PSD2: variants seen among roughly 807,000 people sequenced by gnomAD.
PSD2 encodes pleckstrin and Sec7 domain containing 2.
PSD2 carries 38 observed loss-of-function variants against 69.8 expected under a neutral mutation model. That is an observed-to-expected ratio of 0.54 (90% CI 0.42 to 0.71). The LOEUF (loss-of-function observed/expected upper bound fraction) is 0.71, where lower values mean the gene tolerates loss of function less well. PSD2 is among the 30% of genes least tolerant of loss of function. The pLI is 0.00. For synonymous variants in PSD2, 412 were observed against 423.0 expected, an observed-to-expected ratio of 0.97 and a Z score of 0.32; for missense variants, 943 against 1,014.5, an observed-to-expected ratio of 0.93 and a Z score of 0.96.
the PSD2 span, among the ~76,000 whole-genome samples, chr5:139,787,659 C>A: frequency 6.6e-6 from 1 of 152,234 alleles, no homozygotes; most frequent in Non-Finnish European, 1.5e-5. Flanking sequence ...AAAGAGCCCC[C>A]GTCGCTGGCC....
Position 139,833,705 on chromosome 5 carries a change from A to G in PSD2, c.1273A>G (p.Ile425Val), listed in dbSNP as rs995121222. Residue 425 changes from isoleucine (I) to valine (V), a missense_variant, in exon 8 of 15, where the codon ATT (isoleucine) becomes GTT (valine). Around this residue, in one of 3 missense-constraint regions of PSD2, gnomAD observed 312 missense variants for 400.7 expected, o/e 0.78. Coordinates refer to ENST00000274710, the MANE Select transcript of PSD2 (RefSeq NM_032289.4). Reference protein sequence around the residue: ...LLNTDLHGHNIGKKMSCQQFI... With the variant: ...LLNTDLHGHNVGKKMSCQQFI... The stretch of plus-strand genomic sequence containing the variant: ...CAGAACCATTTCTCCATTACAGAAC[A>G]TTGGCAAAAAGATGTCCTGTCAGCA... 2.5e-6 allele frequency: 4 copies of G among 1,613,208 alleles called. No homozygotes were observed. The highest frequency in any genetic ancestry group is 8.5e-7 in the Non-Finnish European group (1 of 1,179,314).
chr5:139,778,750 C>G, the PSD2 span, among the ~76,000 whole-genome samples: 1 of 151,216 alleles, frequency 6.6e-6, no homozygotes, highest in Non-Finnish European at 1.5e-5. Flanking sequence ...TGACAGAAAC[C>G]CATCTCTCCA....
chr5:139,796,997 C>T (rs1249202162), intron 1 of PSD2, among the ~76,000 whole-genome samples: 1 of 151,494 alleles, frequency 6.6e-6, no homozygotes, highest in Non-Finnish European at 1.5e-5. Context: ...CTAGATCCTA[C>T]AAACAAGAGC....
chr5:139,842,752 C>T lies in PSD2; in HGVS notation c.*278C>T, dbSNP rs190205118. On this transcript the variant is annotated 3_prime_UTR_variant, in exon 15 of 15. Coordinates refer to ENST00000274710, the MANE Select transcript of PSD2 (RefSeq NM_032289.4). ...AGGCCAGTTGTGTGCATGCTCTAGA[C>T]ACCACCTCGCTGGAGAAGCTGGAAG... 2 of 390,780 alleles carry T rather than the reference C, an allele frequency of 5.1e-6. No homozygotes were observed. Among genetic ancestry groups the T allele is most frequent in the Admixed American group, 8.2e-5 (2 of 24,404 alleles). 24.2% of individuals were successfully genotyped at this position (390,780 alleles called of 1,614,324 possible).
At chr5:139,776,618 T>C in the PSD2 span, among the ~76,000 whole-genome samples, 4 of 151,718 alleles carry the variant, frequency 2.6e-5, no homozygotes, top group Admixed American at 6.6e-5. Flanking sequence ...TCACCAATGT[T>C]AGACATGGTC....
the PSD2 span, among the ~76,000 whole-genome samples, chr5:139,759,838 C>T: frequency 6.6e-6 from 1 of 152,260 alleles, no homozygotes; most frequent in Admixed American, 6.5e-5. Context: ...CCCTCTCTGG[C>T]CCCTCAAGCC....
the PSD2 span, among the ~76,000 whole-genome samples, chr5:139,769,627 C>T: frequency 6.6e-6 from 1 of 152,224 alleles, no homozygotes; most frequent in Admixed American, 6.5e-5. Flanking sequence ...AGCACTTGCC[C>T]AGCCCTTCAG....
chr5:139,776,828 G>T, the PSD2 span, among the ~76,000 whole-genome samples: 10 of 152,074 alleles, frequency 6.6e-5, no homozygotes, highest in African/African-American at 2.2e-4. Flanking sequence ...GCACCTCAAA[G>T]AACCACAGTC....
At chr5:139,779,175 T>G in the PSD2 span, among the ~76,000 whole-genome samples, 1 of 152,174 alleles carries the variant, frequency 6.6e-6, no homozygotes, top group African/African-American at 2.4e-5. Flanking sequence ...AAGTGGTGTT[T>G]GGTTACATGA....
chr5:139,791,047 A>C, upstream of PSD2, among the ~76,000 whole-genome samples: 1 of 151,910 alleles, frequency 6.6e-6, no homozygotes, highest in Non-Finnish European at 1.5e-5. Flanking sequence ...GTGAAACTTC[A>C]TCTCAAAAAA....
chr5:139,825,721 G>A (rs567701792), intron 7 of PSD2, among the ~76,000 whole-genome samples: 6 of 152,198 alleles, frequency 3.9e-5, no homozygotes, highest in African/African-American at 9.6e-5. Context: ...CTTGAGTCCC[G>A]ATTTTGACCT....
chr5:139,831,545 T>C (rs752091547), intron 7 of PSD2, among the ~76,000 whole-genome samples: 20 of 152,342 alleles, frequency 1.3e-4, no homozygotes, highest in Non-Finnish European at 2.8e-4. Context: ...TGTTGTGCAT[T>C]CTTTCGGAAT....
chr5:139,749,741 A>G, the PSD2 span, among the ~76,000 whole-genome samples: 8,749 of 152,204 alleles, frequency 0.057, 353 homozygotes, highest in South Asian at 0.1. Flanking sequence ...CATGCCTGTA[A>G]TCCTAACACT....
intron 1 of PSD2, among the ~76,000 whole-genome samples, chr5:139,803,687 C>T (rs1400493711): frequency 6.6e-6 from 1 of 152,182 alleles, no homozygotes; most frequent in South Asian, 2.1e-4. Context: ...CAGCACAAGG[C>T]GGTCCAAGCT....
At chr5:139,827,164 C>T (rs376418379) in intron 7 of PSD2, among the ~76,000 whole-genome samples, 7 of 152,336 alleles carry the variant, frequency 4.6e-5, no homozygotes, top group African/African-American at 1.4e-4. Context: ...CCACCCACAC[C>T]TCATTGCTGA....
At chr5:139,792,859 T>TTTCCTTCCTTCC (rs141834556), upstream of PSD2, among the ~76,000 whole-genome samples, 7,031 of 107,766 alleles carry the variant, frequency 0.065, 267 homozygotes, top group Admixed American at 0.073. Flanking sequence ...TCTTTCTGTC[T>TTTCCTTCCTTCC]TTCCTTCCTT....
chr5:139,837,233 C>A lies in PSD2; in HGVS notation c.1660C>A (p.Gln554Lys), dbSNP rs1581740411. 8.1e-6 allele frequency: 13 copies of A among 1,613,768 alleles called. No homozygotes were observed. The East Asian group carries it at 2.9e-4, about 36-fold the overall frequency. ...AVLKGTILYLQKDEYRPDKAL... is the reference protein window; with the variant it reads ...AVLKGTILYLKKDEYRPDKAL... Reference sequence around the variant, plus strand: ...GCTCAAAGGGACCATCCTGTACCTGCAGAAGGTGAGAGACTGCCCCAGAGA... The same window carrying A: ...GCTCAAAGGGACCATCCTGTACCTGAAGAAGGTGAGAGACTGCCCCAGAGA... The change falls in exon 11 of 15, where the codon CAG becomes AAG. Residue 554 changes from glutamine (Q) to lysine (K), a missense_variant. Gln to Lys is a moderately conservative substitution (Grantham distance 53). Transcript: ENST00000274710. The surrounding 1 kb of genome is among the most constrained non-coding windows in gnomAD (Gnocchi z 5.0).
intron 7 of PSD2, among the ~76,000 whole-genome samples, chr5:139,827,887 G>T (rs1342259829): frequency 6.6e-6 from 1 of 152,214 alleles, no homozygotes; most frequent in Non-Finnish European, 1.5e-5. Flanking sequence ...TTCGAGATGA[G>T]ATTTGGGTGG....
chr5:139,757,853 G>T, the PSD2 span, among the ~76,000 whole-genome samples: 2 of 152,104 alleles, frequency 1.3e-5, no homozygotes. Flanking sequence ...AGGAGTACAG[G>T]TCCCTCAGCA....
Sources: gnomAD v4.1 joint callset for allele counts (sites outside exome capture counted in the v4.1 genomes callset) on GRCh38, gnomAD v4.1.1 for gene constraint, gnomAD v4.1.1 regional missense constraint, Gnocchi (gnomAD v3.1) non-coding constraint, MANE v1.5 for transcripts, NCBI Gene and HGNC (gene_info 2026-07-23, HGNC 2026-07-21) for gene names.